Variants in TOP1 observed in about 807,000 individuals in gnomAD.
TOP1 encodes the protein DNA topoisomerase I, also known as DNA topoisomerase 1.
In TOP1, 10 loss-of-function variants were observed where a neutral mutation model predicts 111.1. The ratio of observed to expected loss-of-function variants is 0.09; its 90% CI spans 0.06 to 0.15. TOP1 has a LOEUF of 0.15. Ranked by LOEUF, TOP1 falls within the 10% of genes least tolerant of loss-of-function variation. The pLI, the probability that TOP1 is intolerant of heterozygous loss-of-function variation, is 1.00. For missense variants in TOP1, 474 were observed against 926.7 expected, an observed-to-expected ratio of 0.51 and a Z score of 6.34; for synonymous variants, 271 against 302.9, an observed-to-expected ratio of 0.89 and a Z score of 1.10.
In TOP1 at chr20:41,061,470, A is replaced by G; in HGVS notation, c.135A>G (p.Glu45=). The change falls in exon 3 of 21, where the codon GAA becomes GAG. Residue 45 remains glutamate, a synonymous_variant. Transcript: ENST00000361337. This position sits in a 1 kb window ranked among gnomAD's most constrained non-coding sequence, Gnocchi z 4.6. ...HKEHKKEKDR[E]KSKHSNSEHK... is the part of the protein sequence containing the mutation. ...AACACAAGAAGGAGAAGGACCGGGAAAAGTCCAAGCATAGCAACAGGTAAG... is the reference window on the plus strand; with the variant it reads ...AACACAAGAAGGAGAAGGACCGGGAGAAGTCCAAGCATAGCAACAGGTAAG... 1 of 1,606,466 alleles carries G rather than the reference A, an allele frequency of 6.2e-7. No homozygotes were observed.
chr20:41,084,530 A>G lies in TOP1; in HGVS notation c.576A>G (p.Lys192=). Residue 192 remains lysine, a synonymous_variant, in exon 8 of 21, where the codon AAA becomes AAG. Transcript: ENST00000361337. ...DKKVPEPDNK[K]KKPKKEEEQK... ...AAGTTCCTGAGCCAGATAACAAGAA[A>G]AAGAAGCCGAAGAAAGAAGAGGAAC... 1.9e-6 allele frequency: 3 copies of G among 1,576,874 alleles called. No individual in the cohort carries two copies. Among genetic ancestry groups the G allele is most frequent in the Non-Finnish European group, 2.6e-6 (3 of 1,159,654 alleles).
chr20:41,048,522 G>C (rs1220161317), intron 2 of TOP1, among the ~76,000 whole-genome samples: 1 of 152,146 alleles, frequency 6.6e-6, no homozygotes, highest in Non-Finnish European at 1.5e-5. Flanking sequence ...TCAGAAAACT[G>C]AGACCCAAAG....
rs2145926917 is a variant in TOP1, at chr20:41,061,281, G to A, written c.59-113G>A. The A allele has an allele frequency of 3.2e-6, 3 of 951,228 alleles. No homozygotes were observed. In the East Asian group the frequency reaches 7.4e-5, roughly 24 times the overall value. 58.9% of individuals were successfully genotyped at this position (951,228 alleles called of 1,614,324 possible). A position where few individuals can be genotyped will look rare whatever the true frequency, so the allele number is the denominator to read the frequency against. Reference sequence around the variant, plus strand: ...TTTTTTCAGTGGCATGTGCTATTATGCCTACCATGCCATTTGAATCCTGTC... The same window carrying A: ...TTTTTTCAGTGGCATGTGCTATTATACCTACCATGCCATTTGAATCCTGTC... On this transcript the variant is annotated intron_variant, in intron 2 of 20. Transcript: ENST00000361337. The surrounding 1 kb of genome is among the most constrained non-coding windows in gnomAD (Gnocchi z 4.6).
In TOP1 at chr20:41,122,099, G is replaced by C; in HGVS notation, c.2139G>C (p.Gln713His). ...VQATDREENKQIALGTSKLNY... is the reference protein window; with the variant it reads ...VQATDREENKHIALGTSKLNY... ...CCACAGACCGAGAGGAAAATAAACA[G>C]ATTGCCCTGGGAACCTCCAAACTCA... The change falls in exon 20 of 21, where the codon CAG becomes CAC. Residue 713 changes from glutamine (Q) to histidine (H), a missense_variant. By Grantham distance (24) the Gln-to-His change is conservative. Around this residue, in one of 14 missense-constraint regions of TOP1, gnomAD observed 26 missense variants for 81.8 expected, o/e 0.32. Transcript: ENST00000361337. The surrounding 1 kb of genome is among the most constrained non-coding windows in gnomAD (Gnocchi z 5.4). 6.2e-7 allele frequency: 1 copy of C among 1,614,186 alleles called. No individual in the cohort carries two copies. The highest frequency in any genetic ancestry group is 8.5e-7 in the Non-Finnish European group (1 of 1,180,030).
chr20:41,087,439 C>A (rs1480209018), intron 8 of TOP1, among the ~76,000 whole-genome samples: 1 of 152,162 alleles, frequency 6.6e-6, no homozygotes, highest in African/African-American at 2.4e-5. Flanking sequence ...TAAAGAATTA[C>A]CTGGCGAGTT....
intron 2 of TOP1, among the ~76,000 whole-genome samples, chr20:41,044,954 G>GT (rs954016923): frequency 1.2e-4 from 18 of 152,032 alleles, no homozygotes; most frequent in Non-Finnish European, 2.9e-5. Flanking sequence ...CGCTCAGCCA[G>GT]TTTTTTTGTA....
Position 41,077,597 on chromosome 20 carries a change from G to T in TOP1, c.295G>T (p.Asp99Tyr). 6.2e-7 allele frequency: 1 copy of T among 1,614,062 alleles called. No homozygotes were observed. Among genetic ancestry groups the T allele is most frequent in the South Asian group, 1.1e-5 (1 of 91,074 alleles). Reference protein sequence around the residue: ...RKEEKVRASGDAKIKKEKENG... With the variant: ...RKEEKVRASGYAKIKKEKENG... ...TACTTTTCAGGTTCGAGCCTCTGGG[G>T]ATGCAAAAATAAAGAAGGAGAAGGA... The change falls in exon 5 of 21, where the codon GAT (aspartate) becomes TAT (tyrosine). Residue 99 changes from aspartate to tyrosine, a missense_variant. This residue lies in a region of TOP1 where 185 missense variants were observed against 226.3 expected (regional missense o/e 0.82). Coordinates refer to ENST00000361337, the MANE Select transcript of TOP1 (RefSeq NM_003286.4).
chr20:41,036,047 C>A (rs1389370212), intron 2 of TOP1, among the ~76,000 whole-genome samples: 1 of 152,180 alleles, frequency 6.6e-6, no homozygotes, highest in African/African-American at 2.4e-5. Context: ...TTTTTATGTG[C>A]ATTAAATCTG....
intron 18 of TOP1, among the ~76,000 whole-genome samples, chr20:41,119,072 A>G (rs2034379137): frequency 6.6e-6 from 1 of 152,246 alleles, no homozygotes; most frequent in South Asian, 2.1e-4. Flanking sequence ...GAAACAAATT[A>G]TATTGAAATA....
chr20:41,079,947 C>T lies in TOP1; in HGVS notation c.336-138C>T. The T allele has an allele frequency of 4.8e-6, 3 of 625,194 alleles. No homozygotes were observed. The South Asian group carries it at 5.7e-5, about 12-fold the overall frequency. 38.7% of individuals were successfully genotyped at this position (625,194 alleles called of 1,614,324 possible). On this transcript the variant is annotated intron_variant, in intron 5 of 20. Coordinates refer to ENST00000361337, the MANE Select transcript of TOP1 (RefSeq NM_003286.4). The surrounding 1 kb of genome is among the most constrained non-coding windows in gnomAD (Gnocchi z 4.0). ...CAGGATTGAAGTGAGAAAAAGTGCT[C>T]ACAGAACATCTTCATGATATGTACG...
At chr20:41,077,504 A>G in intron 4 of TOP1, 78 bp from the exon 5 acceptor site, 6 of 1,151,510 alleles carry the variant, frequency 5.2e-6, no homozygotes, top group Non-Finnish European at 7.9e-6. Context: ...CCAGGAACTG[A>G]TGCTACATAT....
intron 3 of TOP1, among the ~76,000 whole-genome samples, chr20:41,068,208 A>C (rs1037030933): frequency 5.3e-5 from 8 of 152,196 alleles, no homozygotes; most frequent in Non-Finnish European, 1.0e-4. Context: ...TTTGTCCCCA[A>C]ATCCCTGAAA....
intron 2 of TOP1, among the ~76,000 whole-genome samples, chr20:41,040,481 G>A (rs1165991758): frequency 6.6e-6 from 1 of 152,198 alleles, no homozygotes; most frequent in African/African-American, 2.4e-5. Flanking sequence ...GGAGAGGAAA[G>A]GGAGGAGAAG....
At position 41,098,158 on chromosome 20, in the gene TOP1, G is replaced by A; in HGVS notation, c.853-57G>A. The A allele has an allele frequency of 6.3e-7, 1 of 1,581,262 alleles. No homozygotes were observed. Among genetic ancestry groups the A allele is most frequent in the African/African-American group, 1.3e-5 (1 of 74,294 alleles). On this transcript the variant is annotated intron_variant, in intron 10 of 20. Transcript: ENST00000361337. The surrounding 1 kb of genome is among the most constrained non-coding windows in gnomAD (Gnocchi z 5.7). ...GGGTGTATTTGCAAAGAAACCCAAG[G>A]ACTTATTAGTGTATTTTCGTTGTTT...
At position 41,028,985 on chromosome 20, in the gene TOP1, C is replaced by T; in HGVS notation, c.-83C>T. 7.9e-7 allele frequency: 1 copy of T among 1,258,872 alleles called. No individual in the cohort carries two copies. The highest frequency in any genetic ancestry group is 2.7e-5 in the East Asian group (1 of 36,890). The allele number at this position is 1,258,872 out of a possible 1,614,324, so 78.0% of individuals were successfully genotyped here. ...CGCCTCCTCGAGCCTCCGGAGTCCCCGTCCGCCCGCACAGGCCGGTTCGCC... is the reference window on the plus strand; with the variant it reads ...CGCCTCCTCGAGCCTCCGGAGTCCCTGTCCGCCCGCACAGGCCGGTTCGCC... On this transcript the variant is annotated 5_prime_UTR_variant, in exon 1 of 21. Transcript: ENST00000361337.
In TOP1 at chr20:41,106,390, CT is replaced by C. The variant is rs2034146201; in HGVS notation, c.1308+5038del. On this transcript the variant is annotated intron_variant, in intron 13 of 20. Transcript: ENST00000361337. The surrounding 1 kb of genome is among the most constrained non-coding windows in gnomAD (Gnocchi z 4.3). ...AACTTTCAGATAAACTTGTCAAATT[CT>C]AATGAAAACTGTTGATAAACTTGTT... Among the ~76,000 whole-genome samples the C allele has an allele frequency of 1.3e-5, 2 of 152,164 alleles. No homozygotes were observed. Among genetic ancestry groups the C allele is most frequent in the South Asian group, 2.1e-4 (1 of 4,828 alleles).
At chr20:41,051,820 A>T (rs1285922312) in intron 2 of TOP1, among the ~76,000 whole-genome samples, 1 of 152,140 alleles carries the variant, frequency 6.6e-6, no homozygotes. Flanking sequence ...CACATATACA[A>T]CCTGAGCTAA....
intron 2 of TOP1, among the ~76,000 whole-genome samples, chr20:41,060,876 A>G (rs769175430): frequency 6.6e-6 from 1 of 152,072 alleles, no homozygotes; most frequent in Admixed American, 6.6e-5. Context: ...TGTTATTACT[A>G]TTTTTATTTT....
Position 41,123,922 on chromosome 20 carries a change from G to A in TOP1, c.*625G>A. On this transcript the variant is annotated 3_prime_UTR_variant, in exon 21 of 21. Coordinates refer to ENST00000361337, the MANE Select transcript of TOP1 (RefSeq NM_003286.4). The surrounding 1 kb of genome is among the most constrained non-coding windows in gnomAD (Gnocchi z 5.8). Reference sequence around the variant, plus strand: ...GATGGGAAAATATTTCCTGACTTGAGTGTTCCTTTTTAAATGTGAATTTTT... The same window carrying A: ...GATGGGAAAATATTTCCTGACTTGAATGTTCCTTTTTAAATGTGAATTTTT... The A allele has an allele frequency of 4.3e-6, 1 of 232,234 alleles. No individual in the cohort carries two copies. The highest frequency in any genetic ancestry group is 8.5e-6 in the Non-Finnish European group (1 of 117,212). 14.4% of individuals were successfully genotyped at this position (232,234 alleles called of 1,614,324 possible). A position where few individuals can be genotyped will look rare whatever the true frequency, so the allele number is the denominator to read the frequency against.
Sources: allele counts gnomAD v4.1 joint callset (sites outside exome capture counted in the v4.1 genomes callset), GRCh38; gene constraint gnomAD v4.1.1; regional missense constraint gnomAD v4.1.1; non-coding constraint Gnocchi (gnomAD v3.1); transcripts MANE v1.5; gene names NCBI Gene and HGNC (gene_info 2026-07-23, HGNC 2026-07-21).